ATG4B: variants seen among roughly 807,000 people sequenced by gnomAD.
The protein encoded by ATG4B is autophagy related 4B cysteine peptidase.
In ATG4B, 29 loss-of-function variants were observed where a neutral mutation model predicts 56.6. The ratio of observed to expected loss-of-function variants is 0.51; its 90% CI spans 0.38 to 0.70. The LOEUF is 0.70. Ranked by LOEUF, ATG4B falls within the 30% of genes least tolerant of loss-of-function variation. ATG4B has a pLI of 0.00. For synonymous variants in ATG4B, 224 were observed against 206.1 expected (o/e 1.09, Z -0.74); for missense variants, 461 against 515.5 (o/e 0.89, Z 1.02).
rs566993344 is a variant in ATG4B, at chr2:241,651,361, C to T, written c.184+26C>T. 5.8e-5 allele frequency: 88 copies of T among 1,525,870 alleles called. No individual in the cohort carries two copies. Among genetic ancestry groups the T allele is most frequent in the South Asian group, 4.3e-4 (35 of 82,162 alleles). 94.5% of individuals were successfully genotyped at this position (1,525,870 alleles called of 1,614,324 possible). On this transcript the variant is annotated intron_variant, in intron 3 of 12. Coordinates refer to ENST00000404914, the MANE Select transcript of ATG4B (RefSeq NM_013325.5). The surrounding 1 kb of genome is among the most constrained non-coding windows in gnomAD (Gnocchi z 4.1). ...GTAAGTACTCTGTTTTATTACAACG[C>T]GGGACAAAATATGTTTTTAGGAAGG...
At chr2:241,640,270 G>A (rs926371906) in intron 1 of ATG4B, among the ~76,000 whole-genome samples, 10 of 152,284 alleles carry the variant, frequency 6.6e-5, no homozygotes, top group Admixed American at 2.0e-4. Flanking sequence ...GAGTAGAAAA[G>A]GTGTTTGCAT....
rs2068863033 is a variant in ATG4B at position 241,668,835 on chromosome 2, G to C, written c.957+150G>C. On this transcript the variant is annotated intron_variant, in intron 10 of 12. Coordinates refer to ENST00000404914, the MANE Select transcript of ATG4B (RefSeq NM_013325.5). The surrounding 1 kb of genome is among the most constrained non-coding windows in gnomAD (Gnocchi z 4.2). ...GGTTGGGAATCTGAAGGGTATAAGA[G>C]CCGGAACTGTGTCCTTGCACCCTCA... 1 of 1,191,482 alleles carries C rather than the reference G, an allele frequency of 8.4e-7. No homozygotes were observed. Among genetic ancestry groups the C allele is most frequent in the Non-Finnish European group, 1.2e-6 (1 of 861,228 alleles). The allele number at this position is 1,191,482 out of a possible 1,614,324, so 73.8% of individuals were successfully genotyped here.
At chr2:241,657,917 A>G (rs2068458938) in intron 6 of ATG4B, among the ~76,000 whole-genome samples, 1 of 152,128 alleles carries the variant, frequency 6.6e-6, no homozygotes, top group South Asian at 2.1e-4. Context: ...TGCTCCTGGG[A>G]CACACCAGCC....
chr2:241,643,910 A>G (rs904179609), intron 1 of ATG4B, among the ~76,000 whole-genome samples: 5 of 152,188 alleles, frequency 3.3e-5, no homozygotes, highest in African/African-American at 9.7e-5. Flanking sequence ...CAGGAGCTAC[A>G]TGAATTACCT....
intron 10 of ATG4B, chr2:241,670,520 G>A: frequency 4.9e-6 from 3 of 610,672 alleles, no homozygotes; most frequent in Non-Finnish European, 8.8e-6. Context: ...GGAGCCTGAG[G>A]GGAGCCGGGC....
intron 6 of ATG4B, among the ~76,000 whole-genome samples, chr2:241,658,148 T>C (rs1007967046): frequency 3.9e-5 from 6 of 152,200 alleles, no homozygotes; most frequent in Non-Finnish European, 5.9e-5. Flanking sequence ...CAGGTCAGCT[T>C]TGCCAGTGCT....
In ATG4B at chr2:241,672,413, G is replaced by T. The variant is rs2069011733; in HGVS notation, c.*149G>T. 2.8e-6 allele frequency: 2 copies of T among 715,350 alleles called. No individual in the cohort carries two copies. Among genetic ancestry groups the T allele is most frequent in the Non-Finnish European group, 4.6e-6 (2 of 431,458 alleles). 44.3% of individuals were successfully genotyped at this position (715,350 alleles called of 1,614,324 possible). ...CCCGCTGTGCTCGTGGACTGAGGCT[G>T]CGCTGCCCGGGAGGCCTTACTGCTT... On this transcript the variant is annotated 3_prime_UTR_variant, in exon 13 of 13. Transcript: ENST00000404914.
At chr2:241,637,749 T>G (rs201397827) in intron 1 of ATG4B, 25 bp downstream of exon 1, 1 of 1,570,136 alleles carries the variant, frequency 6.4e-7, no homozygotes, top group Non-Finnish European at 8.6e-7. Flanking sequence ...GGGGTCGGTC[T>G]TTCCGCAGGA....
Position 241,668,012 on chromosome 2 carries a change from C to A in ATG4B, c.733-131C>A. On this transcript the variant is annotated intron_variant, in intron 8 of 12. Transcript: ENST00000404914. The surrounding 1 kb of genome is among the most constrained non-coding windows in gnomAD (Gnocchi z 4.2). The stretch of plus-strand genomic sequence containing the variant: ...TCCTGGACAGTAAGCTCTTTGGTAC[C>A]ATGTCCCCTCCTGTCCCCTCTTGTG... 1.3e-6 allele frequency: 1 copy of A among 789,924 alleles called. No individual in the cohort carries two copies. Among genetic ancestry groups the A allele is most frequent in the Non-Finnish European group, 2.0e-6 (1 of 501,492 alleles). The allele number at this position is 789,924 out of a possible 1,614,324, so 48.9% of individuals were successfully genotyped here.
rs536433802 is a variant in ATG4B at position 241,649,611 on chromosome 2, C to T, written c.11-1399C>T. ...ATGCCTCTGGTGCCGCCCCAGAATACGCAATGGGCATCTCGCCACATGGGT... is the reference window on the plus strand; with the variant it reads ...ATGCCTCTGGTGCCGCCCCAGAATATGCAATGGGCATCTCGCCACATGGGT... On this transcript the variant is annotated intron_variant, in intron 1 of 12. Coordinates refer to ENST00000404914, the MANE Select transcript of ATG4B (RefSeq NM_013325.5). Among the ~76,000 whole-genome samples, 9 of 152,340 alleles carry T rather than the reference C, an allele frequency of 5.9e-5. No individual in the cohort carries two copies. The East Asian group carries it at 1.4e-3, about 23-fold the overall frequency.
In ATG4B at chr2:241,655,483, G is replaced by A. The variant is rs757203751; in HGVS notation, c.458+140G>A. ...CATGGCCCTCAGAAGGTTTCTCAGC[G>A]ATGACTGTGTTGAGGTCTTGTGAAT... is the stretch of plus-strand genomic sequence containing the variant. On this transcript the variant is annotated intron_variant, in intron 6 of 12. Coordinates refer to ENST00000404914, the MANE Select transcript of ATG4B (RefSeq NM_013325.5). 1.0e-4 allele frequency: 84 copies of A among 825,746 alleles called. No homozygotes were observed. In the East Asian group the frequency reaches 1.7e-3, roughly 17 times the overall value. 51.2% of individuals were successfully genotyped at this position (825,746 alleles called of 1,614,324 possible).
chr2:241,637,783 C>G, intron 1 of ATG4B, 59 bp downstream of exon 1: 2 of 1,508,688 alleles, frequency 1.3e-6, no homozygotes, highest in Non-Finnish European at 8.8e-7. Context: ...TCATTGGCCT[C>G]CCCTGCTCGG....
In ATG4B at chr2:241,673,401, G is replaced by A. The variant is rs947617301; in HGVS notation, c.*1137G>A. 2.9e-5 allele frequency: 11 copies of A among 373,620 alleles called. No individual in the cohort carries two copies. The highest frequency in any genetic ancestry group is 6.3e-5 in the African/African-American group (3 of 47,576). 23.1% of individuals were successfully genotyped at this position (373,620 alleles called of 1,614,324 possible). On this transcript the variant is annotated 3_prime_UTR_variant, in exon 13 of 13. Coordinates refer to ENST00000404914, the MANE Select transcript of ATG4B (RefSeq NM_013325.5). ...CCCACTAGGAAATGTAAACAGGAGG[G>A]CTTGGGGAGCGTGGGCACTTTTCTC...
intron 10 of ATG4B, 146 bp from the exon 11 acceptor site, chr2:241,670,580 C>G (rs1274202393): frequency 1.9e-5 from 15 of 780,124 alleles, no homozygotes; most frequent in Non-Finnish European, 2.6e-5. Flanking sequence ...CCGTTCCTGG[C>G]CACAGGAGCC....
At chr2:241,667,856 G>A (rs989412372) in intron 8 of ATG4B, 9 of 391,964 alleles carry the variant, frequency 2.3e-5, no homozygotes, top group Admixed American at 8.4e-5. Flanking sequence ...GCCACCTCCC[G>A]CACCCCTGCT....
chr2:241,666,295 C>T (rs1423382906), intron 7 of ATG4B, among the ~76,000 whole-genome samples: 1 of 152,220 alleles, frequency 6.6e-6, no homozygotes, highest in Non-Finnish European at 1.5e-5. Flanking sequence ...CCGGAGGGAG[C>T]GGGTTCTGGC....
chr2:241,659,756 C>T (rs951652373), intron 7 of ATG4B: 3 of 175,372 alleles, frequency 1.7e-5, no homozygotes, highest in African/African-American at 7.2e-5. Flanking sequence ...TGTAGCCAAG[C>T]TGAGAACTCT....
intron 3 of ATG4B, among the ~76,000 whole-genome samples, chr2:241,652,592 G>C (rs974231804): frequency 2.0e-5 from 3 of 152,144 alleles, no homozygotes; most frequent in African/African-American, 7.2e-5. Flanking sequence ...GAACTCCTGG[G>C]CTCAAGCAGT....
chr2:241,647,975 AT>A (rs1174297771), intron 1 of ATG4B, among the ~76,000 whole-genome samples: 4 of 152,086 alleles, frequency 2.6e-5, no homozygotes, highest in African/African-American at 9.7e-5. Context: ...TTAGCCGGGC[AT>A]GGTGGCAGAT....
Sources: allele counts gnomAD v4.1 joint callset (sites outside exome capture counted in the v4.1 genomes callset), GRCh38; gene constraint gnomAD v4.1.1; non-coding constraint Gnocchi (gnomAD v3.1); transcripts MANE v1.5; gene names NCBI Gene and HGNC (gene_info 2026-07-23, HGNC 2026-07-21).